The following SPTA1 variants were observed in gnomAD, a reference collection of about 807,000 sequenced individuals.
SPTA1 encodes the protein spectrin alpha, erythrocytic 1, also known as spectrin alpha chain, erythrocytic 1.
SPTA1 carries 177 observed loss-of-function variants against 324.7 expected under a neutral mutation model. The ratio of observed to expected loss-of-function variants is 0.55; its 90% CI spans 0.48 to 0.62. The LOEUF is 0.62. Among genes scored for constraint, SPTA1 ranks in the 20% least tolerant of loss-of-function variants. The pLI is 0.00. For synonymous variants in SPTA1, 1,195 were observed against 1,041.3 expected, an observed-to-expected ratio of 1.15 and a Z score of -2.84; for missense variants, 3,162 against 2,883.6, an observed-to-expected ratio of 1.10 and a Z score of -2.21.
intron 5 of SPTA1, among the ~76,000 whole-genome samples, chr1:158,679,663 A>G (rs11265050): frequency 3.4e-4 from 52 of 152,032 alleles, no homozygotes; most frequent in East Asian, 1.9e-4. Flanking sequence ...ATCACTTCAG[A>G]CACATAAAAA....
At chr1:158,647,787 C>A in intron 26 of SPTA1, 67 bp from the exon 27 acceptor site, 3 of 1,559,438 alleles carry the variant, frequency 1.9e-6, no homozygotes, top group East Asian at 2.3e-5. Flanking sequence ...AAAGGAGAAT[C>A]CTGAGTCCCA....
At position 158,612,938 on chromosome 1, in the gene SPTA1, T is replaced by C. The variant is rs1649349842; in HGVS notation, c.7013A>G (p.Asp2338Gly). The change falls in exon 51 of 52, where the codon GAC becomes GGC. Residue 2338 changes from aspartate to glycine, a missense_variant. Asp to Gly is a moderately conservative substitution (Grantham distance 94, BLOSUM62 -1). Transcript: ENST00000643759. ...PGRKGYVSLE[D>G]YTAFLIDKES... ...CTTGTCAATCAGGAAAGCAGTATAG[T>C]CCTCCAGTGAGACATAGCCCTTCCT... 10 of 1,613,908 alleles carry C rather than the reference T, an allele frequency of 6.2e-6. No individual in the cohort carries two copies. Among genetic ancestry groups the C allele is most frequent in the Non-Finnish European group, 7.6e-6 (9 of 1,179,888 alleles).
chr1:158,644,131 C>T (rs1427194254), intron 30 of SPTA1, 122 bp downstream of exon 30: 10 of 1,291,064 alleles, frequency 7.7e-6, no homozygotes, highest in Middle Eastern at 2.7e-4. Context: ...AATGAGACTC[C>T]ATCTCAAAAA....
In SPTA1 at chr1:158,671,349, C is replaced by G; in HGVS notation, c.1593G>C (p.Lys531Asn). 1.2e-6 allele frequency: 2 copies of G among 1,613,376 alleles called. No individual in the cohort carries two copies. Among genetic ancestry groups the G allele is most frequent in the Non-Finnish European group, 1.7e-6 (2 of 1,179,722 alleles). ...FEEAFTAQEEKIITVDKTATK... is the reference protein window; with the variant it reads ...FEEAFTAQEENIITVDKTATK... Reference sequence around the variant, plus strand: ...ACTAGGGCCAATTTCTTACTATGATCTTCTCTTCCTGGGCAGTAAAGGCTT... The same window carrying G: ...ACTAGGGCCAATTTCTTACTATGATGTTCTCTTCCTGGGCAGTAAAGGCTT... Residue 531 changes from lysine (K) to asparagine (N), a missense_variant, in exon 12 of 52, where the codon AAG becomes AAC. Lys to Asn is a moderately conservative substitution (Grantham distance 94). Transcript: ENST00000643759.
Position 158,656,601 on chromosome 1 carries a change from C to A in SPTA1, c.2861G>T (p.Ser954Ile), listed in dbSNP as rs772483166. The change falls in exon 20 of 52, where the codon AGT (serine) becomes ATT (isoleucine). Residue 954 changes from serine (S) to isoleucine (I), a missense_variant. Ser to Ile is a moderately radical substitution (Grantham distance 142, BLOSUM62 -2). Coordinates refer to ENST00000643759, the MANE Select transcript of SPTA1 (RefSeq NM_003126.4). ...FLLDLNSFGD[S>I]MKALRNQANA... Reference sequence around the variant, plus strand: ...TGCCTGATTCCGCAGAGCTTTCATACTGTCTCCAAATGAATTGAGATCTAA... The same window carrying A: ...TGCCTGATTCCGCAGAGCTTTCATAATGTCTCCAAATGAATTGAGATCTAA... 6.2e-7 allele frequency: 1 copy of A among 1,613,970 alleles called. No homozygotes were observed. Among genetic ancestry groups the A allele is most frequent in the Non-Finnish European group, 8.5e-7 (1 of 1,179,930 alleles).
intron 32 of SPTA1, 130 bp from the exon 33 acceptor site, chr1:158,642,672 G>A: frequency 6.4e-7 from 1 of 1,564,914 alleles, no homozygotes. Context: ...TGAAGAACCT[G>A]CTCCACATCA....
chr1:158,682,741 C>T (rs2427801), intron 3 of SPTA1, among the ~76,000 whole-genome samples: 147,031 of 152,266 alleles, frequency 0.97, 71,179 homozygotes, highest in East Asian at 1. Flanking sequence ...TGGAAGAGTT[C>T]GTAGATTAAG....
rs567984472 is a variant in SPTA1 at position 158,648,553 on chromosome 1, G to A, written c.3670C>T (p.Arg1224Trp). The change falls in exon 26 of 52, where the codon CGG becomes TGG. Residue 1224 changes from arginine to tryptophan, a missense_variant. Physicochemically the swap from Arg to Trp is moderately radical, Grantham distance 101 (BLOSUM62 -3). Transcript: ENST00000643759. Reference protein sequence around the residue: ...DLFSVQALQRRHEGFERDLVP... With the variant: ...DLFSVQALQRWHEGFERDLVP... Reference sequence around the variant, plus strand: ...AGGTCCCTTTCAAAGCCCTCATGCCGTCGCTGAAGAGCCTGAACACTGAAC... The same window carrying A: ...AGGTCCCTTTCAAAGCCCTCATGCCATCGCTGAAGAGCCTGAACACTGAAC... The A allele has an allele frequency of 1.2e-4, 187 of 1,613,974 alleles. 2 individuals are homozygous for A. In the South Asian group the frequency reaches 1.6e-3, roughly 14 times the overall value.
At chr1:158,649,643 C>G (rs886150728) in intron 25 of SPTA1, among the ~76,000 whole-genome samples, 4 of 152,198 alleles carry the variant, frequency 2.6e-5, no homozygotes, top group Non-Finnish European at 5.9e-5. Context: ...GTTCCAAGGC[C>G]CAAGCCTAGG....
intron 24 of SPTA1, among the ~76,000 whole-genome samples, chr1:158,650,480 T>C (rs1351659851): frequency 6.6e-6 from 1 of 152,194 alleles, no homozygotes; most frequent in Admixed American, 6.5e-5. Context: ...TTTATTAATG[T>C]TCATTAGATC....
Position 158,640,011 on chromosome 1 carries a change from A to G in SPTA1, c.4738-4T>C, listed in dbSNP as rs1490197352. ...CCTTCAGCTGTTCCAGTTGCTCCTA[A>G]CCCAAGGAGAGTGAGGAGTCATTAC... On this transcript the variant is annotated splice_polypyrimidine_tract_variant and splice_region_variant and intron_variant, in intron 33 of 51. Transcript: ENST00000643759. The G allele has an allele frequency of 1.2e-6, 2 of 1,613,694 alleles. No individual in the cohort carries two copies. The highest frequency in any genetic ancestry group is 1.7e-6 in the Non-Finnish European group (2 of 1,179,782).
intron 27 of SPTA1, among the ~76,000 whole-genome samples, chr1:158,646,426 C>T (rs577098159): frequency 6.6e-6 from 1 of 152,156 alleles, no homozygotes; most frequent in African/African-American, 2.4e-5. Flanking sequence ...GTGAAAAAGG[C>T]ATATCTGTGC....
chr1:158,611,468 A>G (rs1649257877), intron 51 of SPTA1, 79 bp from the exon 52 acceptor site: 6 of 1,558,030 alleles, frequency 3.9e-6, no homozygotes, highest in Non-Finnish European at 5.3e-6. Context: ...ATATTACGCC[A>G]TAAATGCAGG....
intron 39 of SPTA1, among the ~76,000 whole-genome samples, chr1:158,632,020 A>AT (rs1650707943): frequency 6.6e-6 from 1 of 152,222 alleles, no homozygotes; most frequent in Non-Finnish European, 1.5e-5. Flanking sequence ...ATTATTAACA[A>AT]TAGCCAAGAT....
chr1:158,684,928 C>T (rs1427269965), intron 2 of SPTA1, among the ~76,000 whole-genome samples, 180 bp downstream of exon 2: 1 of 152,108 alleles, frequency 6.6e-6, no homozygotes, highest in Non-Finnish European at 1.5e-5. Flanking sequence ...AGGGAAAATG[C>T]ACTTTTAGAT....
intron 26 of SPTA1, 38 bp from the exon 27 acceptor site, chr1:158,647,758 A>G (rs1234917492): frequency 1.2e-5 from 20 of 1,611,226 alleles, no homozygotes; most frequent in Non-Finnish European, 1.4e-5. Flanking sequence ...CAGCCTAGAG[A>G]CACACCTGAA....
chr1:158,623,213 G>A (rs1650037438), intron 42 of SPTA1, 21 bp from the exon 43 acceptor site: 2 of 1,607,714 alleles, frequency 1.2e-6, no homozygotes, highest in African/African-American at 1.3e-5. Flanking sequence ...TCAGGAGAGA[G>A]GCCGTGAACA....
chr1:158,685,695 T>C (rs1655126211), intron 1 of SPTA1, among the ~76,000 whole-genome samples: 1 of 152,180 alleles, frequency 6.6e-6, no homozygotes, highest in South Asian at 2.1e-4. Context: ...TATAATGTTA[T>C]TGCTTTCAAG....
rs2101878941 is a variant in SPTA1 at position 158,657,647 on chromosome 1, G to C, written c.2635C>G (p.Gln879Glu). 6.2e-7 allele frequency: 1 copy of C among 1,613,938 alleles called. No homozygotes were observed. ...CGAGCACGGAGAGACTCCATATTCT[G>C]GTTCAAACTCTTGACCCTAGAGGCC... ...DVASRVKSLNQNMESLRARAA... is the reference protein window; with the variant it reads ...DVASRVKSLNENMESLRARAA... The change falls in exon 19 of 52, where the codon CAG becomes GAG. Residue 879 changes from glutamine (Q) to glutamate (E), a missense_variant. Gln to Glu is a conservative substitution (Grantham distance 29). Coordinates refer to ENST00000643759, the MANE Select transcript of SPTA1 (RefSeq NM_003126.4).
Sources: allele counts gnomAD v4.1 joint callset (sites outside exome capture counted in the v4.1 genomes callset), GRCh38; gene constraint gnomAD v4.1.1; transcripts MANE v1.5; gene names NCBI Gene and HGNC (gene_info 2026-07-23, HGNC 2026-07-21).